BPIFB2: variants seen among roughly 807,000 people sequenced by gnomAD.
BPIFB2 encodes BPI fold-containing family B member 2.
Under a neutral mutation model 50.1 loss-of-function variants are expected in BPIFB2, and 39 were observed. The ratio of observed to expected loss-of-function variants is 0.78; its 90% CI spans 0.60 to 1.02. The LOEUF is 1.02. Among genes scored for constraint, BPIFB2 ranks in the 50% least tolerant of loss-of-function variants. BPIFB2 has a pLI of 0.00. For synonymous variants in BPIFB2, 280 were observed against 256.3 expected (o/e 1.09, Z -0.88); for missense variants, 574 against 585.8 (o/e 0.98, Z 0.21).
At chr20:33,012,245 CG>C (rs1435928677) in intron 3 of BPIFB2, among the ~76,000 whole-genome samples, 2 of 152,128 alleles carry the variant, frequency 1.3e-5, no homozygotes, top group African/African-American at 4.8e-5. Flanking sequence ...AAACAGTGCC[CG>C]GGGCTCTTGT....
Position 33,023,508 on chromosome 20 carries a change from G to A in BPIFB2, c.*125G>A. 1.7e-6 allele frequency: 2 copies of A among 1,184,616 alleles called. No individual in the cohort carries two copies. The highest frequency in any genetic ancestry group is 2.5e-6 in the Non-Finnish European group (2 of 812,230). 73.4% of individuals were successfully genotyped at this position (1,184,616 alleles called of 1,614,324 possible). On this transcript the variant is annotated 3_prime_UTR_variant, in exon 16 of 16. Transcript: ENST00000170150. ...CATCACCAACAAGCTGGACTGCTTA[G>A]CTGGGCTGTTTTATCTTCCCTGAGT...
chr20:33,019,881 C>A, intron 11 of BPIFB2, 131 bp downstream of exon 11: 3 of 1,208,826 alleles, frequency 2.5e-6, no homozygotes, highest in Non-Finnish European at 3.3e-6. Flanking sequence ...CAGGACACTC[C>A]CGCCCCAGGA....
At chr20:33,020,488 C>T in intron 12 of BPIFB2, 54 bp from the exon 13 acceptor site, 1 of 1,596,532 alleles carries the variant, frequency 6.3e-7, no homozygotes, top group Non-Finnish European at 8.6e-7. Context: ...GCCAGGGAGC[C>T]TGGGCGTAGG....
chr20:33,016,149 A>G (rs1398303924), intron 6 of BPIFB2, among the ~76,000 whole-genome samples: 2 of 151,824 alleles, frequency 1.3e-5, no homozygotes. Context: ...TCCCAACCCC[A>G]CTACTGCTTT....
At chr20:33,021,883 T>TC in intron 15 of BPIFB2, 84 bp downstream of exon 15, 1 of 1,361,778 alleles carries the variant, frequency 7.3e-7, no homozygotes, top group Non-Finnish European at 1.0e-6. Flanking sequence ...TCCCTCCCCC[T>TC]CTGTGGCTGC....
rs559023138 is a variant in BPIFB2 at position 33,010,231 on chromosome 20, C to T, written c.110-793C>T. On this transcript the variant is annotated intron_variant, in intron 2 of 15. Transcript: ENST00000170150. ...AGGTGAGTGAGGATGCCCAGAGGCT[C>T]GGGAGCCAGGTCCCTCGGTCCAAAG... Among the ~76,000 whole-genome samples the T allele has an allele frequency of 1.4e-4, 22 of 152,284 alleles. No individual in the cohort carries two copies. In the South Asian group the frequency reaches 3.5e-3, roughly 24 times the overall value.
At position 33,009,253 on chromosome 20, in the gene BPIFB2, G is replaced by A. The variant is rs1180357808; in HGVS notation, c.109+570G>A. Among the ~76,000 whole-genome samples, 1 of 152,154 alleles carries A rather than the reference G, an allele frequency of 6.6e-6. No individual in the cohort carries two copies. The highest frequency in any genetic ancestry group is 1.9e-4 in the East Asian group (1 of 5,196). ...TCCGCTCTCTGGGTCCCACTTGTGC[G>A]AGGGCTCTGTCTTACGGCTGTGCTG... On this transcript the variant is annotated intron_variant, in intron 2 of 15. Coordinates refer to ENST00000170150, the MANE Select transcript of BPIFB2 (RefSeq NM_025227.3). The surrounding 1 kb of genome is among the most constrained non-coding windows in gnomAD (Gnocchi z 4.2).
intron 3 of BPIFB2, among the ~76,000 whole-genome samples, chr20:33,011,882 G>A (rs964316625): frequency 1.3e-4 from 20 of 152,184 alleles, no homozygotes; most frequent in African/African-American, 4.6e-4. Flanking sequence ...AGGAGGCTGA[G>A]GTGGGAGAAT....
In BPIFB2 at chr20:33,015,497, G is replaced by A; in HGVS notation, c.516+1G>A. 1 of 1,610,348 alleles carries A rather than the reference G, an allele frequency of 6.2e-7. No individual in the cohort carries two copies. The highest frequency in any genetic ancestry group is 8.5e-7 in the Non-Finnish European group (1 of 1,177,148). On this transcript the variant is annotated splice_donor_variant, in intron 6 of 15. Coordinates refer to ENST00000170150, the MANE Select transcript of BPIFB2 (RefSeq NM_025227.3). LOFTEE classifies it high-confidence loss of function. ...CATTAAAGCTGTCTTGAGTAACAAG[G>A]TAAAGGGCTTGCAGATTTCTCAGAA...
chr20:33,016,466 C>A (rs1349621832), intron 6 of BPIFB2, among the ~76,000 whole-genome samples: 1 of 152,204 alleles, frequency 6.6e-6, no homozygotes, highest in East Asian at 1.9e-4. Flanking sequence ...CCTCGCCCTG[C>A]CCAGTCTCGC....
rs968909455 is a variant in BPIFB2 at position 33,021,332 on chromosome 20, G to A, written c.1246G>A (p.Asp416Asn). 6.2e-7 allele frequency: 1 copy of A among 1,613,514 alleles called. No individual in the cohort carries two copies. Among genetic ancestry groups the A allele is most frequent in the Non-Finnish European group, 8.5e-7 (1 of 1,179,824 alleles). ...MGTVFEKPLL[D>N]HLNALLAMGI... The stretch of plus-strand genomic sequence containing the variant: ...CACCGTTTTTGAGAAGCCCCTGCTG[G>A]ACCATCTCAATGGTAAGCCCTGCCC... Residue 416 changes from aspartate to asparagine, a missense_variant, in exon 14 of 16, where the codon GAC becomes AAC. Coordinates refer to ENST00000170150, the MANE Select transcript of BPIFB2 (RefSeq NM_025227.3).
rs1199065926 is a variant in BPIFB2 at position 33,009,322 on chromosome 20, A to G, written c.109+639A>G. ...TGCCCCAATCCCCTAAGGAGGGCACAATGAAGAAACTTAGCCCCAGGGAGG... is the reference window on the plus strand; with the variant it reads ...TGCCCCAATCCCCTAAGGAGGGCACGATGAAGAAACTTAGCCCCAGGGAGG... On this transcript the variant is annotated intron_variant, in intron 2 of 15. Transcript: ENST00000170150. This position sits in a 1 kb window ranked among gnomAD's most constrained non-coding sequence, Gnocchi z 4.2. Among the ~76,000 whole-genome samples, 2 of 152,192 alleles carry G rather than the reference A, an allele frequency of 1.3e-5. No homozygotes were observed. The highest frequency in any genetic ancestry group is 3.8e-4 in the East Asian group (2 of 5,200).
intron 15 of BPIFB2, among the ~76,000 whole-genome samples, chr20:33,022,032 A>G (rs1173875007): frequency 6.6e-6 from 1 of 152,144 alleles, no homozygotes; most frequent in Non-Finnish European, 1.5e-5. Flanking sequence ...TGGGGCCTTC[A>G]CTTGTCCCGT....
intron 9 of BPIFB2, 104 bp from the exon 10 acceptor site, chr20:33,018,958 G>T: frequency 1.3e-6 from 2 of 1,585,252 alleles, no homozygotes; most frequent in South Asian, 2.2e-5. Context: ...TGTTGGAAGG[G>T]TTAAACGGGG....
chr20:33,019,556 C>G (rs1159844346), intron 10 of BPIFB2, 24 bp from the exon 11 acceptor site: 1 of 1,559,640 alleles, frequency 6.4e-7, no homozygotes. Context: ...CTCAGCAGGG[C>G]CTCCTCCGCC....
chr20:33,008,130 C>T (rs1382448227), intron 1 of BPIFB2, among the ~76,000 whole-genome samples: 1 of 152,184 alleles, frequency 6.6e-6, no homozygotes, highest in African/African-American at 2.4e-5. Context: ...AGCTGGACAC[C>T]AAGCTGGCTG....
At chr20:33,013,628 G>A (rs1333441697) in intron 4 of BPIFB2, among the ~76,000 whole-genome samples, 182 bp from the exon 5 acceptor site, 1 of 152,218 alleles carries the variant, frequency 6.6e-6, no homozygotes, top group Non-Finnish European at 1.5e-5. Context: ...GACCCCAAGT[G>A]GAGTCTTGAG....
At chr20:33,010,919 C>G in intron 2 of BPIFB2, 105 bp from the exon 3 acceptor site, 1 of 985,998 alleles carries the variant, frequency 1.0e-6, no homozygotes, top group Non-Finnish European at 1.6e-6. Context: ...CCCTTCCAGT[C>G]TGAGTACCCT....
At position 33,021,293 on chromosome 20, in the gene BPIFB2, C is replaced by G; in HGVS notation, c.1207C>G (p.Arg403Gly). Reference protein sequence around the residue: ...NVGFIDTDQVRTLMGTVFEKP... With the variant: ...NVGFIDTDQVGTLMGTVFEKP... The stretch of plus-strand genomic sequence containing the variant: ...TCCGTGGCCACAGACAGATCAGGTG[C>G]GCACACTGATGGGCACCGTTTTTGA... Residue 403 changes from arginine (R) to glycine (G), a missense_variant, in exon 14 of 16, where the codon CGC (arginine) becomes GGC (glycine). Coordinates refer to ENST00000170150, the MANE Select transcript of BPIFB2 (RefSeq NM_025227.3). 1 of 1,613,970 alleles carries G rather than the reference C, an allele frequency of 6.2e-7. No homozygotes were observed. Among genetic ancestry groups the G allele is most frequent in the Non-Finnish European group, 8.5e-7 (1 of 1,179,994 alleles).
Sources: gnomAD v4.1 joint callset for allele counts (sites outside exome capture counted in the v4.1 genomes callset) on GRCh38, gnomAD v4.1.1 for gene constraint, Gnocchi (gnomAD v3.1) non-coding constraint, MANE v1.5 for transcripts, NCBI Gene and HGNC (gene_info 2026-07-23, HGNC 2026-07-21) for gene names.